SEMA3A: variants seen among roughly 807,000 people sequenced by gnomAD.
SEMA3A encodes semaphorin 3A.
A neutral mutation model predicts 97.9 loss-of-function variants in SEMA3A; 29 were observed. The observed-to-expected ratio is 0.30, with a 90% confidence interval of 0.22 to 0.40. The LOEUF (loss-of-function observed/expected upper bound fraction) is 0.40. Among genes scored for constraint, SEMA3A ranks in the 10% least tolerant of loss-of-function variants. The pLI is 1.00. For missense variants in SEMA3A, 763 were observed against 951.3 expected (o/e 0.80, Z 2.60); for synonymous variants, 321 against 323.7 (o/e 0.99, Z 0.09).
At chr7:84,435,771 A>G (rs749424577) in intron 1 of SEMA3A, among the ~76,000 whole-genome samples, 19 of 152,192 alleles carry the variant, frequency 1.2e-4, no homozygotes, top group Non-Finnish European at 2.2e-4. Flanking sequence ...CAGATTCAAC[A>G]CTATATCTAT....
intron 3 of SEMA3A, among the ~76,000 whole-genome samples, chr7:84,291,119 G>A (rs1584207151): frequency 6.6e-6 from 1 of 151,848 alleles, no homozygotes; most frequent in Admixed American, 6.6e-5. Flanking sequence ...CTTTCTGTGT[G>A]TTATATTACC....
rs567857200 is a variant in SEMA3A, at chr7:84,471,500, C to G, written c.-246+20960G>C. On this transcript the variant is annotated intron_variant, in intron 1 of 3. Coordinates refer to the SEMA3A transcript ENST00000424555. ...TACATCTTGTCTTTCTATGGCATAA[C>G]TAAACACGTCTATGCGGGAAGAATC... Among the ~76,000 whole-genome samples the G allele has an allele frequency of 5.9e-5, 9 of 152,114 alleles. No homozygotes were observed. The South Asian group carries it at 1.9e-3, about 32-fold the overall frequency.
chr7:84,327,172 A>G (rs924345271), intron 2 of SEMA3A, among the ~76,000 whole-genome samples: 1 of 152,080 alleles, frequency 6.6e-6, no homozygotes, highest in African/African-American at 2.4e-5. Context: ...CTCTTAATAG[A>G]TTCACAATAT....
intron 3 of SEMA3A, among the ~76,000 whole-genome samples, chr7:84,255,497 C>A (rs1158898957): frequency 6.6e-6 from 1 of 152,038 alleles, no homozygotes; most frequent in African/African-American, 2.4e-5. Flanking sequence ...ACATCTGTTA[C>A]CCACAGCAAC....
At chr7:84,150,512 C>G (rs1406919252) in intron 1 of SEMA3A, among the ~76,000 whole-genome samples, 1 of 152,180 alleles carries the variant, frequency 6.6e-6, no homozygotes, top group Admixed American at 6.5e-5. Flanking sequence ...CACTCCCACC[C>G]GAATACTGTG....
intron 4 of SEMA3A, among the ~76,000 whole-genome samples, chr7:84,082,800 T>G (rs1186484121): frequency 6.6e-6 from 1 of 152,020 alleles, no homozygotes; most frequent in Non-Finnish European, 1.5e-5. Flanking sequence ...AACTACATTT[T>G]GGCTTTGGCA....
At chr7:83,980,623 A>AAAAAAAAAATATAT (rs1310318006) in intron 14 of SEMA3A, among the ~76,000 whole-genome samples, 36 of 71,718 alleles carry the variant, frequency 5.0e-4, no homozygotes, top group Non-Finnish European at 7.0e-4. Context: ...AAAAAAAAAA[A>AAAAAAAAAATATAT]ATATATATAT....
At chr7:84,262,253 T>C (rs1053552479) in intron 3 of SEMA3A, among the ~76,000 whole-genome samples, 2 of 152,186 alleles carry the variant, frequency 1.3e-5, no homozygotes, top group Non-Finnish European at 2.9e-5. Flanking sequence ...TTGCTCTTTT[T>C]GCCCAGGATG....
At chr7:84,141,624 G>A (rs547466419) in intron 1 of SEMA3A, among the ~76,000 whole-genome samples, 1 of 152,162 alleles carries the variant, frequency 6.6e-6, no homozygotes, top group South Asian at 2.1e-4. Context: ...ATTAAACCTA[G>A]TACCTATTAG....
chr7:84,030,445 T>C (rs1317056609), intron 6 of SEMA3A, among the ~76,000 whole-genome samples: 3 of 152,118 alleles, frequency 2.0e-5, no homozygotes, highest in Admixed American at 6.5e-5. Context: ...GTGTGATTTA[T>C]TTTTTTAAAA....
intron 6 of SEMA3A, among the ~76,000 whole-genome samples, chr7:84,032,355 A>C (rs1791792636): frequency 6.6e-6 from 1 of 152,214 alleles, no homozygotes; most frequent in Admixed American, 6.5e-5. Flanking sequence ...GATAGAACCT[A>C]ATTATACTGA....
In SEMA3A at chr7:84,133,886, TAAA is replaced by T. The variant is rs60263065; in HGVS notation, c.270+905_270+907del. On this transcript the variant is annotated intron_variant, in intron 2 of 16. Transcript: ENST00000265362. ...TAACACGGTGAAACCTCGTCTCTAC[TAAA>T]AAAAAAAAAAAAAAAAAAAAAAATT... Among the ~76,000 whole-genome samples, 631 of 78,846 alleles carry T rather than the reference TAAA, an allele frequency of 8.0e-3. 13 individuals are homozygous for T. The highest frequency in any genetic ancestry group is 0.027 in the African/African-American group (569 of 21,170). 51.7% of individuals were successfully genotyped at this position (78,846 alleles called of 152,430 possible).
chr7:84,018,710 C>A (rs1791199575), intron 6 of SEMA3A, among the ~76,000 whole-genome samples: 1 of 152,088 alleles, frequency 6.6e-6, no homozygotes. Context: ...GTTGTACACA[C>A]AGAGAGTAGT....
chr7:84,492,050 T>C (rs2116455569), intron 1 of SEMA3A, among the ~76,000 whole-genome samples: 1 of 152,244 alleles, frequency 6.6e-6, no homozygotes, highest in East Asian at 1.9e-4. Context: ...AGCAGTATAG[T>C]TATGCATAAA....
chr7:84,276,147 C>A (rs565871041), intron 3 of SEMA3A, among the ~76,000 whole-genome samples: 1 of 151,974 alleles, frequency 6.6e-6, no homozygotes, highest in Non-Finnish European at 1.5e-5. Flanking sequence ...TTAATTCTTT[C>A]GTTTATTCAA....
At chr7:84,266,859 A>T (rs1800018708) in intron 3 of SEMA3A, among the ~76,000 whole-genome samples, 1 of 152,190 alleles carries the variant, frequency 6.6e-6, no homozygotes, top group African/African-American at 2.4e-5. Flanking sequence ...ATCAAATTAT[A>T]GTTACAGATT....
chr7:84,115,608 T>C lies in SEMA3A; in HGVS notation c.334-5019A>G, dbSNP rs546578433. Among the ~76,000 whole-genome samples, 3 of 152,302 alleles carry C rather than the reference T, an allele frequency of 2.0e-5. No homozygotes were observed. In the East Asian group the frequency reaches 5.8e-4, roughly 29 times the overall value. On this transcript the variant is annotated intron_variant, in intron 3 of 16. Coordinates refer to ENST00000265362, the MANE Select transcript of SEMA3A (RefSeq NM_006080.3). ...GCTTATGTTTTCTTTTATATTATAC[T>C]ATCACTCTGATTCATCAGGATGTGT...
At chr7:84,399,565 C>T (rs1207436235) in intron 1 of SEMA3A, among the ~76,000 whole-genome samples, 1 of 152,112 alleles carries the variant, frequency 6.6e-6, no homozygotes, top group Non-Finnish European at 1.5e-5. Context: ...TGTCCTCCAA[C>T]TGAATATCAG....
intron 5 of SEMA3A, among the ~76,000 whole-genome samples, chr7:84,059,559 T>C (rs1793133241): frequency 6.6e-6 from 1 of 151,914 alleles, no homozygotes; most frequent in South Asian, 2.1e-4. Flanking sequence ...TTAATCAAGA[T>C]TTATTATTTA....
Sources: allele counts gnomAD v4.1 joint callset (sites outside exome capture counted in the v4.1 genomes callset), GRCh38; gene constraint gnomAD v4.1.1; transcripts MANE v1.5; gene names NCBI Gene and HGNC (gene_info 2026-07-23, HGNC 2026-07-21).